RBMS1: variants seen among roughly 807,000 people sequenced by gnomAD.
RBMS1 encodes RNA-binding motif, single-stranded-interacting protein 1.
Under a neutral mutation model 62.3 loss-of-function variants are expected in RBMS1, and 17 were observed. That is an observed-to-expected ratio of 0.27 (90% CI 0.19 to 0.41). RBMS1 has a LOEUF of 0.41. RBMS1 is among the 10% of genes least tolerant of loss of function. RBMS1 has a pLI of 1.00. For missense variants in RBMS1, 334 were observed against 504.5 expected (o/e 0.66, Z 3.24); for synonymous variants, 172 against 170.0 (o/e 1.01, Z -0.09).
At chr2:160,345,391 G>C (rs1426327693) in intron 2 of RBMS1, among the ~76,000 whole-genome samples, 1 of 152,298 alleles carries the variant, frequency 6.6e-6, no homozygotes, top group Non-Finnish European at 1.5e-5. Context: ...GACCACTGTG[G>C]AGTTCAAGTG....
intron 1 of RBMS1, among the ~76,000 whole-genome samples, chr2:160,433,887 G>A (rs1330538294): frequency 1.3e-5 from 2 of 152,354 alleles, no homozygotes; most frequent in Non-Finnish European, 2.9e-5. Flanking sequence ...CTAGGAACAT[G>A]TCTGTGCAAC....
At chr2:160,453,066 T>C (rs1279854407) in intron 1 of RBMS1, among the ~76,000 whole-genome samples, 1 of 151,180 alleles carries the variant, frequency 6.6e-6, no homozygotes, top group Non-Finnish European at 1.5e-5. Flanking sequence ...TAGGTGATTG[T>C]TGTGTGTTTC....
intron 1 of RBMS1, among the ~76,000 whole-genome samples, chr2:160,400,383 A>C (rs1695372825): frequency 6.6e-6 from 1 of 151,900 alleles, no homozygotes; most frequent in Non-Finnish European, 1.5e-5. Context: ...AAAAAAAAAG[A>C]AGCTAAGAGC....
chr2:160,311,196 A>C (rs1412403941), intron 4 of RBMS1, among the ~76,000 whole-genome samples: 1 of 81,820 alleles, frequency 1.2e-5, no homozygotes, highest in Non-Finnish European at 2.6e-5. Context: ...CCCTGTCTCC[A>C]AAAAAAAAAA....
At chr2:160,304,665 G>T (rs928302300) in intron 4 of RBMS1, among the ~76,000 whole-genome samples, 3 of 151,982 alleles carry the variant, frequency 2.0e-5, no homozygotes, top group Non-Finnish European at 4.4e-5. Flanking sequence ...AAAAAGTTTA[G>T]AAAATAATAA....
intron 1 of RBMS1, among the ~76,000 whole-genome samples, chr2:160,438,473 G>A (rs1286342557): frequency 6.6e-6 from 1 of 151,996 alleles, no homozygotes; most frequent in Non-Finnish European, 1.5e-5. Context: ...TAACGAGCAT[G>A]CTGCCTTCAA....
At chr2:160,448,219 T>G (rs1005324479) in intron 1 of RBMS1, among the ~76,000 whole-genome samples, 5 of 152,208 alleles carry the variant, frequency 3.3e-5, no homozygotes, top group African/African-American at 1.2e-4. Context: ...TTGTATTCAT[T>G]TTTAAATAAA....
chr2:160,321,842 C>T (rs1362940896), intron 2 of RBMS1, among the ~76,000 whole-genome samples: 3 of 152,180 alleles, frequency 2.0e-5, no homozygotes, highest in African/African-American at 4.8e-5. Flanking sequence ...TGTTCCTAGA[C>T]ACATGCAAAA....
intron 1 of RBMS1, among the ~76,000 whole-genome samples, chr2:160,449,152 G>A (rs1683836355): frequency 6.6e-6 from 1 of 151,502 alleles, no homozygotes; most frequent in Admixed American, 6.6e-5. Flanking sequence ...CGCCCCCACT[G>A]GGAAGTGAGG....
At chr2:160,320,569 T>C (rs1217307558) in intron 2 of RBMS1, among the ~76,000 whole-genome samples, 3 of 152,182 alleles carry the variant, frequency 2.0e-5, no homozygotes, top group African/African-American at 7.2e-5. Context: ...GGTGCCATCC[T>C]TGTGGTAGTG....
At chr2:160,393,957 C>T (rs567536674) in intron 1 of RBMS1, among the ~76,000 whole-genome samples, 4 of 152,230 alleles carry the variant, frequency 2.6e-5, no homozygotes, top group South Asian at 2.1e-4. Flanking sequence ...GCCTAGTATA[C>T]TACACTTCTT....
intron 1 of RBMS1, among the ~76,000 whole-genome samples, chr2:160,446,749 A>T (rs1298745054): frequency 2.6e-5 from 4 of 152,016 alleles, no homozygotes; most frequent in Non-Finnish European, 5.9e-5. Flanking sequence ...TGTCCACCCC[A>T]TTTTACTCCC....
At chr2:160,345,342 G>T (rs1573901813) in intron 2 of RBMS1, among the ~76,000 whole-genome samples, 1 of 152,230 alleles carries the variant, frequency 6.6e-6, no homozygotes, top group East Asian at 1.9e-4. Flanking sequence ...TTAAAGGCAG[G>T]AAGTTAAGCC....
chr2:160,395,838 G>C (rs1695110553), intron 1 of RBMS1, among the ~76,000 whole-genome samples: 1 of 151,972 alleles, frequency 6.6e-6, no homozygotes, highest in African/African-American at 2.4e-5. Context: ...AAGGATTTTC[G>C]GCTAGTGAAC....
At chr2:160,410,354 A>G (rs1371639175) in intron 1 of RBMS1, among the ~76,000 whole-genome samples, 2 of 152,194 alleles carry the variant, frequency 1.3e-5, no homozygotes, top group African/African-American at 2.4e-5. Context: ...TATGTTTTAA[A>G]AAAACAATGT....
At chr2:160,388,710 T>G (rs1694707184) in intron 1 of RBMS1, among the ~76,000 whole-genome samples, 2 of 152,366 alleles carry the variant, frequency 1.3e-5, no homozygotes, top group East Asian at 3.9e-4. Context: ...GATCCTCTTT[T>G]GTGTCAGCTG....
At chr2:160,320,939 C>T (rs777015921) in intron 2 of RBMS1, among the ~76,000 whole-genome samples, 7 of 151,750 alleles carry the variant, frequency 4.6e-5, no homozygotes, top group African/African-American at 7.3e-5. Context: ...AGCGGGGGGA[C>T]GGTAGGTATG....
intron 1 of RBMS1, among the ~76,000 whole-genome samples, chr2:160,486,428 T>C (rs906552365): frequency 2.6e-5 from 4 of 152,164 alleles, no homozygotes; most frequent in Non-Finnish European, 4.4e-5. Flanking sequence ...GGGAAGATGA[T>C]GCATTTTTCC....
intron 3 of RBMS1, among the ~76,000 whole-genome samples, chr2:160,314,984 A>G (rs1387042788): frequency 6.6e-6 from 1 of 152,200 alleles, no homozygotes; most frequent in African/African-American, 2.4e-5. Context: ...CTACAATGAA[A>G]TGATACAGCT....
Sources: gnomAD v4.1 joint callset for allele counts (sites outside exome capture counted in the v4.1 genomes callset) on GRCh38, gnomAD v4.1.1 for gene constraint, MANE v1.5 for transcripts, NCBI Gene and HGNC (gene_info 2026-07-23, HGNC 2026-07-21) for gene names.